NR1H4: variants seen among roughly 807,000 people sequenced by gnomAD.
NR1H4 encodes nuclear receptor subfamily 1 group H member 4.
NR1H4 carries 23 observed loss-of-function variants against 58.5 expected under a neutral mutation model. The observed-to-expected ratio is 0.39, with a 90% confidence interval of 0.28 to 0.56. NR1H4 has a LOEUF of 0.56. Among genes scored for constraint, NR1H4 ranks in the 20% least tolerant of loss-of-function variants. The pLI is 0.58. For missense variants in NR1H4, 487 were observed against 576.9 expected (o/e 0.84, Z 1.60); for synonymous variants, 214 against 198.0 (o/e 1.08, Z -0.68).
chr12:100,480,776 G>A (rs1953362497), intron 1 of NR1H4, among the ~76,000 whole-genome samples: 1 of 152,176 alleles, frequency 6.6e-6, no homozygotes, highest in Non-Finnish European at 1.5e-5. Context: ...AGTTCTGTGG[G>A]GCGGCTGAGC....
chr12:100,510,192 A>T (rs533191898), intron 3 of NR1H4, among the ~76,000 whole-genome samples: 1 of 152,222 alleles, frequency 6.6e-6, no homozygotes, highest in Non-Finnish European at 1.5e-5. Context: ...ATACTTTTTC[A>T]TAGAGGTTCA....
chr12:100,552,394 A>G (rs1253000526), intron 9 of NR1H4, among the ~76,000 whole-genome samples: 1 of 152,194 alleles, frequency 6.6e-6, no homozygotes, highest in Non-Finnish European at 1.5e-5. Context: ...TATGGCACAA[A>G]TGACTCCCTG....
intron 9 of NR1H4, among the ~76,000 whole-genome samples, chr12:100,559,765 G>T (rs1264809862): frequency 6.6e-6 from 1 of 152,248 alleles, no homozygotes; most frequent in Non-Finnish European, 1.5e-5. Flanking sequence ...TGAGGAATGC[G>T]AGCGCAGGGC....
chr12:100,510,953 A>G lies in NR1H4; in HGVS notation c.255A>G (p.Ile85Met), dbSNP rs200662192. The G allele has an allele frequency of 1.9e-6, 3 of 1,614,250 alleles. No homozygotes were observed. The highest frequency in any genetic ancestry group is 4.5e-5 in the East Asian group (2 of 44,890). ...CTGAAGAGTGGTACTCTCCTGGAAT[A>G]TATGAACTCAGGCGTATGCCAGCTG... The part of the protein sequence containing the change: ...QQPEEWYSPG[I>M]YELRRMPAET... The change falls in exon 4 of 11, where the codon ATA becomes ATG. Residue 85 changes from isoleucine (I) to methionine (M), a missense_variant. Coordinates refer to ENST00000392986, the MANE Select transcript of NR1H4 (RefSeq NM_001206979.2).
At chr12:100,529,319 C>T (rs1954636260) in intron 4 of NR1H4, among the ~76,000 whole-genome samples, 1 of 152,150 alleles carries the variant, frequency 6.6e-6, no homozygotes, top group Non-Finnish European at 1.5e-5. Flanking sequence ...GCATTGGTAG[C>T]CTCTCAGTTG....
chr12:100,486,233 C>G (rs1009635162), intron 1 of NR1H4, among the ~76,000 whole-genome samples: 2 of 152,156 alleles, frequency 1.3e-5, no homozygotes, highest in East Asian at 1.9e-4. Flanking sequence ...GATATTTATA[C>G]TAGACCAAAG....
chr12:100,513,373 A>AC (rs34449022), intron 4 of NR1H4, among the ~76,000 whole-genome samples: 3 of 152,220 alleles, frequency 2.0e-5, no homozygotes, highest in African/African-American at 7.2e-5. Flanking sequence ...AGTAAATATT[A>AC]CCCTCGATTC....
intron 5 of NR1H4, among the ~76,000 whole-genome samples, chr12:100,534,431 A>G (rs780429474): frequency 4.2e-4 from 64 of 152,232 alleles, no homozygotes; most frequent in East Asian, 5.8e-4. Flanking sequence ...GTATGTAAAC[A>G]TGGATGAAAA....
At chr12:100,537,592 G>A (rs112103692) in intron 8 of NR1H4, among the ~76,000 whole-genome samples, 1,934 of 152,322 alleles carry the variant, frequency 0.013, 33 homozygotes, top group African/African-American at 0.044. Context: ...ATTGTGTCTA[G>A]GAAAGATGGA....
chr12:100,559,691 A>G (rs958740936), intron 9 of NR1H4, among the ~76,000 whole-genome samples: 2 of 151,854 alleles, frequency 1.3e-5, no homozygotes, highest in Non-Finnish European at 2.9e-5. Flanking sequence ...TGTGCGGCCC[A>G]AGCCTCCCCA....
At chr12:100,558,491 G>A (rs1314030183) in intron 9 of NR1H4, among the ~76,000 whole-genome samples, 1 of 152,102 alleles carries the variant, frequency 6.6e-6, no homozygotes, top group East Asian at 1.9e-4. Context: ...CTGAGTAGCT[G>A]GGACCACAGG....
chr12:100,514,096 A>G (rs941036951), intron 4 of NR1H4, among the ~76,000 whole-genome samples: 1 of 152,204 alleles, frequency 6.6e-6, no homozygotes, highest in East Asian at 1.9e-4. Context: ...GGCCTAATTC[A>G]AGAATTAATT....
chr12:100,492,735 C>T (rs527986477), intron 2 of NR1H4, 98 bp downstream of exon 2: 1 of 153,200 alleles, frequency 6.5e-6, no homozygotes, highest in South Asian at 2.1e-4. Context: ...AATGAAAGCC[C>T]CTGAAATTTC....
intron 4 of NR1H4, among the ~76,000 whole-genome samples, chr12:100,521,730 T>C (rs1306954064): frequency 1.3e-5 from 2 of 152,236 alleles, no homozygotes; most frequent in Non-Finnish European, 2.9e-5. Flanking sequence ...ATAGATGTAG[T>C]GTTTCCAAAG....
chr12:100,487,595 CTTTTT>C (rs34694873), intron 1 of NR1H4, among the ~76,000 whole-genome samples: 1 of 115,974 alleles, frequency 8.6e-6, no homozygotes. Context: ...TCTTCTTCTT[CTTTTT>C]TTTTTTTTTT....
chr12:100,517,409 C>T (rs901594697), intron 4 of NR1H4, among the ~76,000 whole-genome samples: 3 of 152,138 alleles, frequency 2.0e-5, no homozygotes, highest in African/African-American at 7.2e-5. Context: ...ATACATACCA[C>T]ATTTTCTTGA....
In NR1H4 at chr12:100,511,121, A is replaced by G; in HGVS notation, c.423A>G (p.Ala141=). 6.2e-7 allele frequency: 1 copy of G among 1,614,214 alleles called. No homozygotes were observed. The highest frequency in any genetic ancestry group is 8.5e-7 in the Non-Finnish European group (1 of 1,180,030). The change falls in exon 4 of 11, where the codon GCA becomes GCG. Residue 141 remains alanine (A), a synonymous_variant. Coordinates refer to ENST00000392986, the MANE Select transcript of NR1H4 (RefSeq NM_001206979.2). ...GDRASGYHYN[A]LTCEGCKGFF... ...GAGCCTCTGGATACCACTATAATGC[A>G]CTGACCTGTGAGGGGTGTAAAGGTA...
rs79133653 is a variant in NR1H4 at position 100,492,839 on chromosome 12, T to G, written c.-55+202T>G. Among the ~76,000 whole-genome samples, 503 of 152,298 alleles carry G rather than the reference T, an allele frequency of 3.3e-3. 5 individuals carry two copies. Among genetic ancestry groups the G allele is most frequent in the African/African-American group, 0.011 (472 of 41,574 alleles). On this transcript the variant is annotated intron_variant, in intron 2 of 10. Transcript: ENST00000392986. ...AAAAAATTCCAGTAGGAAGTGGCTT[T>G]AAATCACTATTAATGTTTATAAAAA...
At chr12:100,560,247 G>A (rs910162313) in intron 9 of NR1H4, among the ~76,000 whole-genome samples, 1 of 152,172 alleles carries the variant, frequency 6.6e-6, no homozygotes, top group African/African-American at 2.4e-5. Flanking sequence ...ATGTGGGTGG[G>A]GCCAGATAAG....
Sources: gnomAD v4.1 joint callset for allele counts (sites outside exome capture counted in the v4.1 genomes callset) on GRCh38, gnomAD v4.1.1 for gene constraint, MANE v1.5 for transcripts, NCBI Gene and HGNC (gene_info 2026-07-23, HGNC 2026-07-21) for gene names.